SLC41A2: variants seen among roughly 807,000 people sequenced by gnomAD.
SLC41A2 encodes SLC41A1-like 1.
SLC41A2 carries 32 observed loss-of-function variants against 58.3 expected under a neutral mutation model. The observed-to-expected ratio is 0.55, with a 90% CI of 0.41 to 0.74. The LOEUF is 0.74. Among genes scored for constraint, SLC41A2 ranks in the 30% least tolerant of loss-of-function variants. The probability of loss-of-function intolerance (pLI) is 0.00; values close to 1 mark genes in which losing one functional copy is unlikely to be tolerated. For synonymous variants in SLC41A2, 190 were observed against 235.0 expected (o/e 0.81, Z 1.75); for missense variants, 514 against 680.6 (o/e 0.76, Z 2.72).
intron 5 of SLC41A2, 94 bp downstream of exon 5, chr12:104,888,939 A>G (rs2044807299): frequency 2.4e-6 from 3 of 1,261,560 alleles, no homozygotes; most frequent in South Asian, 3.6e-5. Context: ...TGTTGTTTTC[A>G]TAACAGGTAT....
intron 6 of SLC41A2, among the ~76,000 whole-genome samples, chr12:104,874,073 G>GTTT (rs529722018): frequency 1.3e-4 from 15 of 117,622 alleles, no homozygotes; most frequent in Non-Finnish European, 1.6e-4. Context: ...GCCTGAGTTT[G>GTTT]TTTTTTTTTT....
At chr12:104,851,290 T>C (rs1444821821) in intron 8 of SLC41A2, among the ~76,000 whole-genome samples, 1 of 152,172 alleles carries the variant, frequency 6.6e-6, no homozygotes, top group Non-Finnish European at 1.5e-5. Flanking sequence ...GTCCAGAAAC[T>C]GTATAGATTT....
rs187780502 is a variant in SLC41A2 at position 104,879,059 on chromosome 12, G to T, written c.1027+7234C>A. ...GGTTTTGATTTGCATTTCTCTGATG[G>T]CCAGTGATGATGAGCATTTTTCATG... On this transcript the variant is annotated intron_variant, in intron 6 of 10. Transcript: ENST00000258538. 8.1e-3 allele frequency among the ~76,000 whole-genome samples: 1,236 copies of T among 152,272 alleles called. 9 individuals are homozygous for T. The highest frequency in any genetic ancestry group is 0.013 in the Non-Finnish European group (869 of 68,014).
chr12:104,918,758 G>A (rs906245972), intron 2 of SLC41A2, among the ~76,000 whole-genome samples: 1 of 151,734 alleles, frequency 6.6e-6, no homozygotes, highest in African/African-American at 2.4e-5. Context: ...TGCTTAACCA[G>A]GTACACATAT....
chr12:104,923,533 CAA>C (rs2046701954), intron 2 of SLC41A2, among the ~76,000 whole-genome samples: 1 of 151,212 alleles, frequency 6.6e-6, no homozygotes, highest in African/African-American at 2.4e-5. Flanking sequence ...ATCAATGAAA[CAA>C]AAAGTTATTT....
Position 104,913,257 on chromosome 12 carries a change from A to T in SLC41A2, c.556-3495T>A, listed in dbSNP as rs139634681. Among the ~76,000 whole-genome samples the T allele has an allele frequency of 1.8e-4, 27 of 152,342 alleles. No homozygotes were observed. The East Asian group carries it at 5.0e-3, about 28-fold the overall frequency. On this transcript the variant is annotated intron_variant, in intron 2 of 10. Coordinates refer to ENST00000258538, the MANE Select transcript of SLC41A2 (RefSeq NM_001352171.3). ...CTCTTACGGCCAAGAGGACAGCGTG[A>T]CCTTGAAAACTGAGTTCTCGGCCAG...
Position 104,887,342 on chromosome 12 carries a change from C to A in SLC41A2, c.881-903G>T, listed in dbSNP as rs2044720002. Among the ~76,000 whole-genome samples the A allele has an allele frequency of 1.3e-5, 2 of 151,776 alleles. 1 individual carries two copies. The highest frequency in any genetic ancestry group is 4.1e-4 in the South Asian group (2 of 4,824). ...CATACTCACTTTATAGATAATAAAACTGAGGTCCTGTAGAGTAGGGCTTAA... is the reference window on the plus strand; with the variant it reads ...CATACTCACTTTATAGATAATAAAAATGAGGTCCTGTAGAGTAGGGCTTAA... On this transcript the variant is annotated intron_variant, in intron 5 of 10. Transcript: ENST00000258538.
At chr12:104,923,427 A>C (rs1012941101) in intron 2 of SLC41A2, among the ~76,000 whole-genome samples, 1 of 151,516 alleles carries the variant, frequency 6.6e-6, no homozygotes, top group Non-Finnish European at 1.5e-5. Context: ...AAGGAACTAG[A>C]AAAGCAAGAA....
In SLC41A2 at chr12:104,867,316, A is replaced by G. The variant is rs574381940; in HGVS notation, c.1028-737T>C. On this transcript the variant is annotated intron_variant, in intron 6 of 10. Transcript: ENST00000258538. ...TTTTTGGATAATATCATTTTAACTG[A>G]TCAAAGTTTCATTATTATCAGAGAT... is the stretch of plus-strand genomic sequence containing the variant. Among the ~76,000 whole-genome samples the G allele has an allele frequency of 7.9e-5, 12 of 152,186 alleles. No individual in the cohort carries two copies. In the South Asian group the frequency reaches 1.9e-3, roughly 24 times the overall value.
Position 104,958,017 on chromosome 12 carries a change from C to T in SLC41A2, c.-168+71G>A, listed in dbSNP as rs563765627. 3.2e-3 allele frequency: 490 copies of T among 152,214 alleles called. 1 individual carries two copies. Among genetic ancestry groups the T allele is most frequent in the Non-Finnish European group, 4.0e-3 (271 of 68,150 alleles). 9.4% of individuals were successfully genotyped at this position (152,214 alleles called of 1,614,324 possible). On this transcript the variant is annotated intron_variant, in intron 1 of 10. Transcript: ENST00000258538. ...CCCGAGCCCAGGCCTCTCGGCCCCA[C>T]CTCCCTCCCGCACCTGATGCGCCCG...
intron 4 of SLC41A2, among the ~76,000 whole-genome samples, chr12:104,891,462 A>G (rs993969236): frequency 6.7e-6 from 1 of 150,212 alleles, no homozygotes; most frequent in Non-Finnish European, 1.5e-5. Context: ...TTAAAAATAA[A>G]TGGAATATAT....
chr12:104,895,109 G>A (rs2045216360), intron 4 of SLC41A2, among the ~76,000 whole-genome samples, 165 bp downstream of exon 4: 1 of 151,984 alleles, frequency 6.6e-6, no homozygotes, highest in Admixed American at 6.6e-5. Flanking sequence ...GAGCTCATAG[G>A]TATCCATTTA....
intron 10 of SLC41A2, among the ~76,000 whole-genome samples, chr12:104,839,795 G>T (rs56784841): frequency 0.018 from 2,797 of 152,252 alleles, 104 homozygotes; most frequent in African/African-American, 0.063. Flanking sequence ...AAGCCACTGC[G>T]CCCGGCCTCT....
At chr12:104,878,341 CT>C (rs1428624748) in intron 6 of SLC41A2, among the ~76,000 whole-genome samples, 1 of 139,454 alleles carries the variant, frequency 7.2e-6, no homozygotes, top group Non-Finnish European at 1.6e-5. Context: ...TTTTTAAGTT[CT>C]AGGGTACTTG....
At chr12:104,841,417 C>T (rs1565831844) in intron 10 of SLC41A2, among the ~76,000 whole-genome samples, 1 of 151,704 alleles carries the variant, frequency 6.6e-6, no homozygotes, top group East Asian at 1.9e-4. Context: ...TGGCAAGATA[C>T]AGTCATTCAG....
intron 2 of SLC41A2, among the ~76,000 whole-genome samples, chr12:104,914,926 G>A (rs1199768138): frequency 6.6e-6 from 1 of 152,204 alleles, no homozygotes; most frequent in Non-Finnish European, 1.5e-5. Flanking sequence ...AAAATGTCCA[G>A]AGAGGGAATG....
Position 104,844,567 on chromosome 12 carries a change from A to G in SLC41A2, c.1441T>C (p.Leu481=). The change falls in exon 10 of 11, where the codon TTA becomes CTA. Residue 481 remains leucine, a synonymous_variant. Transcript: ENST00000258538. ...VLLLLVIPGH[L]IFLYTIHLMK... ...AAATGAATAGTGTAGAGGAAAATTAAATGTCCAGGAATCACTAAAAGCAGT... is the reference window on the plus strand; with the variant it reads ...AAATGAATAGTGTAGAGGAAAATTAGATGTCCAGGAATCACTAAAAGCAGT... 1 of 1,569,120 alleles carries G rather than the reference A, an allele frequency of 6.4e-7. No individual in the cohort carries two copies. The highest frequency in any genetic ancestry group is 8.6e-7 in the Non-Finnish European group (1 of 1,157,336).
chr12:104,916,633 T>C (rs1479922099), intron 2 of SLC41A2, among the ~76,000 whole-genome samples: 1 of 151,796 alleles, frequency 6.6e-6, no homozygotes, highest in Admixed American at 6.6e-5. Context: ...GAGATATAGA[T>C]CAATGGAACA....
chr12:104,827,519 T>C (rs1038083412), intron 10 of SLC41A2, among the ~76,000 whole-genome samples: 9 of 152,382 alleles, frequency 5.9e-5, no homozygotes, highest in Non-Finnish European at 1.2e-4. Context: ...TTCACCAGGG[T>C]GATACAATTC....
Sources: gnomAD v4.1 joint callset for allele counts (sites outside exome capture counted in the v4.1 genomes callset) on GRCh38, gnomAD v4.1.1 for gene constraint, MANE v1.5 for transcripts, NCBI Gene and HGNC (gene_info 2026-07-23, HGNC 2026-07-21) for gene names.